LMO7: variants seen among roughly 807,000 people sequenced by gnomAD.
LMO7 encodes the protein LIM domain 7, also known as LIM domain only protein 7.
Under a neutral mutation model 206.5 loss-of-function variants are expected in LMO7, and 120 were observed. The ratio of observed to expected loss-of-function variants is 0.58; its 90% confidence interval spans 0.50 to 0.68. LMO7 has a LOEUF of 0.68. Ranked by LOEUF, LMO7 falls within the 30% of genes least tolerant of loss-of-function variation. The probability of loss-of-function intolerance (pLI) is 0.00; values close to 1 mark genes in which losing one functional copy is unlikely to be tolerated. For synonymous variants in LMO7, 706 were observed against 681.5 expected, an observed-to-expected ratio of 1.04 and a Z score of -0.56; for missense variants, 1,959 against 1,957.9, an observed-to-expected ratio of 1.00 and a Z score of -0.01.
chr13:75,659,307 C>G (rs1462227652), intron 1 of LMO7, among the ~76,000 whole-genome samples: 1 of 152,140 alleles, frequency 6.6e-6, no homozygotes, highest in Admixed American at 6.5e-5. Flanking sequence ...TGTGAGTTTT[C>G]ACCCCAATCC....
At chr13:75,623,761 A>G (rs9544008) in intron 2 of LMO7, among the ~76,000 whole-genome samples, 66,931 of 152,000 alleles carry the variant, frequency 0.44, 16,276 homozygotes, top group East Asian at 0.63. Context: ...GGCTGATGAA[A>G]TTTACCAATT....
At chr13:75,712,011 CT>C (rs1347396234) in intron 1 of LMO7, among the ~76,000 whole-genome samples, 2 of 152,190 alleles carry the variant, frequency 1.3e-5, no homozygotes, top group Non-Finnish European at 2.9e-5. Context: ...AGACCAACCT[CT>C]GAGAAACACA....
At chr13:75,740,359 C>T (rs769959499) in intron 3 of LMO7, among the ~76,000 whole-genome samples, 3 of 152,168 alleles carry the variant, frequency 2.0e-5, no homozygotes, top group Admixed American at 6.5e-5. Context: ...GAGGTCAAGG[C>T]GGGAGGATTG....
chr13:75,697,544 C>G (rs1818232453), intron 1 of LMO7, among the ~76,000 whole-genome samples: 2 of 152,182 alleles, frequency 1.3e-5, no homozygotes, highest in African/African-American at 2.4e-5. Flanking sequence ...CCACTGGGTC[C>G]CTCCCACAAC....
At chr13:75,726,235 G>C (rs2044462460) in intron 2 of LMO7, among the ~76,000 whole-genome samples, 2 of 151,838 alleles carry the variant, frequency 1.3e-5, no homozygotes, top group South Asian at 4.1e-4. Context: ...TACGCAACCT[G>C]GCACAGTGTC....
At chr13:75,719,461 T>G (rs1202249494) in intron 2 of LMO7, among the ~76,000 whole-genome samples, 1 of 152,162 alleles carries the variant, frequency 6.6e-6, no homozygotes, top group African/African-American at 2.4e-5. Flanking sequence ...CATGTCAAAT[T>G]GTAATTCCCA....
rs781753361 is a variant in LMO7, at chr13:75,760,879, C to T, written c.211-53C>T. On this transcript the variant is annotated intron_variant, in intron 3 of 30. Transcript: ENST00000377534. ...AAGTTATATCATAAAAATTTGTAAC[C>T]TTTGTCTGAGAGAGAGCTCAGCTAA... 10 of 1,606,014 alleles carry T rather than the reference C, an allele frequency of 6.2e-6. No individual in the cohort carries two copies. The South Asian group carries it at 6.7e-5, about 11-fold the overall frequency.
In LMO7 at chr13:75,834,282, A is replaced by T; in HGVS notation, c.3121A>T (p.Asn1041Tyr). The change falls in exon 17 of 31, where the codon AAC becomes TAC. Residue 1041 changes from asparagine (N) to tyrosine (Y), a missense_variant. Coordinates refer to ENST00000377534, the MANE Select transcript of LMO7 (RefSeq NM_001306080.2). The part of the protein sequence containing the change: ...QVDDEIIAIN[N>Y]TKFSYNDSKE... ...AGATGATGAAATTATTGCTATTAAC[A>T]ACACCAAGTTTTCATATAACGATTC... 1 of 1,611,402 alleles carries T rather than the reference A, an allele frequency of 6.2e-7. No individual in the cohort carries two copies. The highest frequency in any genetic ancestry group is 1.1e-5 in the South Asian group (1 of 90,658).
chr13:75,766,477 G>A (rs2048902733), intron 4 of LMO7, among the ~76,000 whole-genome samples: 1 of 151,524 alleles, frequency 6.6e-6, no homozygotes, highest in East Asian at 1.9e-4. Flanking sequence ...TATATAATGA[G>A]CATTGATTCA....
intron 15 of LMO7, among the ~76,000 whole-genome samples, chr13:75,828,162 C>G (rs2058311286): frequency 6.6e-6 from 1 of 152,218 alleles, no homozygotes; most frequent in Non-Finnish European, 1.5e-5. Flanking sequence ...TTATGTTTAA[C>G]ATTTGCTTCC....
chr13:75,843,231 G>C (rs112274651), intron 25 of LMO7, among the ~76,000 whole-genome samples: 4 of 152,336 alleles, frequency 2.6e-5, no homozygotes, highest in African/African-American at 7.2e-5. Flanking sequence ...TTGGCTGGCT[G>C]TCAGCTGGGG....
chr13:75,660,768 G>A (rs1305018314), intron 1 of LMO7, among the ~76,000 whole-genome samples: 1 of 152,126 alleles, frequency 6.6e-6, no homozygotes, highest in East Asian at 1.9e-4. Context: ...ATTACTCCAT[G>A]AGTTTGTCAT....
At position 75,842,968 on chromosome 13, in the gene LMO7, T is replaced by C. The variant is rs114766605; in HGVS notation, c.4097+52T>C. On this transcript the variant is annotated intron_variant, in intron 25 of 30. Coordinates refer to ENST00000377534, the MANE Select transcript of LMO7 (RefSeq NM_001306080.2). ...AATTGATGATAATGGCTTCAGACAA[T>C]ATTCCAGAGCTTGCATCGATGATTT... 5.3e-4 allele frequency: 577 copies of C among 1,079,498 alleles called. 4 individuals carry two copies. In the African/African-American group the frequency reaches 7.7e-3, roughly 14 times the overall value. The allele number at this position is 1,079,498 out of a possible 1,614,324, so 66.9% of individuals were successfully genotyped here. A position where few individuals can be genotyped will look rare whatever the true frequency, so the allele number is the denominator to read the frequency against.
At chr13:75,787,412 C>A (rs145534766) in intron 4 of LMO7, among the ~76,000 whole-genome samples, 3 of 152,064 alleles carry the variant, frequency 2.0e-5, no homozygotes, top group Non-Finnish European at 4.4e-5. Context: ...TCTTTGAATG[C>A]GTGTGTGTGT....
At chr13:75,817,043 CA>C (rs2138208566) in intron 11 of LMO7, 117 bp from the exon 12 acceptor site, 1 of 667,432 alleles carries the variant, frequency 1.5e-6, no homozygotes, top group South Asian at 1.9e-5. Flanking sequence ...GTGACACTAT[CA>C]CTGAAGCGTC....
chr13:75,635,601 A>C (rs1378398895), upstream of LMO7, among the ~76,000 whole-genome samples: 2 of 152,046 alleles, frequency 1.3e-5, no homozygotes, highest in African/African-American at 4.8e-5. Context: ...AGCGGGCGGG[A>C]AGTGGGGAAT....
chr13:75,631,596 A>T (rs2034960833), upstream of LMO7: 1 of 152,234 alleles, frequency 6.6e-6, no homozygotes. Context: ...GCCTCAGCAG[A>T]CCCCAGGGTC....
chr13:75,833,448 A>T (rs1693765497), intron 16 of LMO7, among the ~76,000 whole-genome samples: 1 of 152,218 alleles, frequency 6.6e-6, no homozygotes, highest in African/African-American at 2.4e-5. Flanking sequence ...AAATGCTAAC[A>T]AACGGCGCTT....
intron 4 of LMO7, among the ~76,000 whole-genome samples, chr13:75,765,546 C>T (rs973085318): frequency 1.3e-5 from 2 of 151,994 alleles, no homozygotes; most frequent in Non-Finnish European, 2.9e-5. Context: ...GTCTCTATCC[C>T]ATTCAACCAT....
Sources: gnomAD v4.1 joint callset for allele counts (sites outside exome capture counted in the v4.1 genomes callset) on GRCh38, gnomAD v4.1.1 for gene constraint, MANE v1.5 for transcripts, NCBI Gene and HGNC (gene_info 2026-07-23, HGNC 2026-07-21) for gene names.